Variants in DNAJC9 observed in about 807,000 individuals in gnomAD.
The protein encoded by DNAJC9 is DnaJ heat shock protein family (Hsp40) member C9, also known as dnaJ homolog subfamily C member 9.
Under a neutral mutation model 32.4 loss-of-function variants are expected in DNAJC9, and 18 were observed. The ratio of observed to expected loss-of-function variants is 0.56; its 90% CI spans 0.38 to 0.82. The LOEUF is 0.82. Among genes scored for constraint, DNAJC9 ranks in the 40% least tolerant of loss-of-function variants. The probability of loss-of-function intolerance (pLI) is 0.00; values close to 1 mark genes in which losing one functional copy is unlikely to be tolerated. For synonymous variants in DNAJC9, 113 were observed against 122.1 expected (o/e 0.93, Z 0.49); for missense variants, 310 against 321.8 (o/e 0.96, Z 0.28).
At chr10:73,234,563 C>A, downstream of DNAJC9, 1 of 428,836 alleles carries the variant, frequency 2.3e-6, no homozygotes, top group Non-Finnish European at 4.2e-6. Flanking sequence ...TGTTTTATTC[C>A]AGTTCTGTGG....
downstream of DNAJC9, chr10:73,234,879 T>C: frequency 3.2e-6 from 5 of 1,551,910 alleles, no homozygotes; most frequent in Non-Finnish European, 4.4e-6. Flanking sequence ...AATAATCTGC[T>C]ACCACCTATT....
At chr10:73,239,391 G>A (rs1408425189), downstream of DNAJC9, 7 of 1,550,478 alleles carry the variant, frequency 4.5e-6, no homozygotes, top group Non-Finnish European at 6.1e-6. Context: ...GCAGGTAAAG[G>A]TGGGGCCATG....
Position 73,243,344 on chromosome 10 carries a change from C to T in DNAJC9, c.*56G>A. ...CTTTTGCCTTCAAATCCTGCCTGCA[C>T]CTTGCCTACGATGGCATCAATTTAC... is the stretch of plus-strand genomic sequence containing the variant. On this transcript the variant is annotated 3_prime_UTR_variant, in exon 5 of 5. Transcript: ENST00000372950. The T allele has an allele frequency of 6.2e-7, 1 of 1,601,276 alleles. No individual in the cohort carries two copies. The highest frequency in any genetic ancestry group is 1.1e-5 in the South Asian group (1 of 90,230).
chr10:73,238,062 T>G (rs2043862115), downstream of DNAJC9, among the ~76,000 whole-genome samples: 1 of 152,182 alleles, frequency 6.6e-6, no homozygotes, highest in Non-Finnish European at 1.5e-5. Context: ...ATGCTAGCTG[T>G]GAGCCGGCTG....
chr10:73,234,536 T>A (rs918408004), downstream of DNAJC9: 3 of 350,182 alleles, frequency 8.6e-6, no homozygotes, highest in Non-Finnish European at 1.6e-5. Flanking sequence ...AGAAGTGCAA[T>A]ACCAGATAGG....
chr10:73,238,874 TA>T (rs1383790056), downstream of DNAJC9: 1 of 153,060 alleles, frequency 6.5e-6, no homozygotes, highest in Non-Finnish European at 1.5e-5. Flanking sequence ...TTCATAATGC[TA>T]AAAAGTAAAT....
chr10:73,235,402 T>C (rs1348646857), downstream of DNAJC9: 1 of 1,530,786 alleles, frequency 6.5e-7, no homozygotes, highest in Non-Finnish European at 8.8e-7. Context: ...GACTTAAGAT[T>C]TTATCTAGAG....
At chr10:73,246,877 C>G in intron 1 of DNAJC9, 49 bp from the exon 2 acceptor site, 2 of 1,609,392 alleles carry the variant, frequency 1.2e-6, no homozygotes, top group Non-Finnish European at 1.7e-6. Flanking sequence ...CCCACCGAAA[C>G]GGCGGCGCGA....
At chr10:73,235,007 G>C, downstream of DNAJC9, 1 of 1,523,786 alleles carries the variant, frequency 6.6e-7, no homozygotes. Flanking sequence ...AATTCTGCAG[G>C]ATCTGTGCCC....
At chr10:73,240,864 G>A (rs2043934233), downstream of DNAJC9, 5 of 817,044 alleles carry the variant, frequency 6.1e-6, no homozygotes, top group African/African-American at 3.6e-5. Flanking sequence ...CATAATTGGA[G>A]CAAAAAAGCC....
At chr10:73,237,838 C>T (rs560532039), downstream of DNAJC9, among the ~76,000 whole-genome samples, 10 of 152,260 alleles carry the variant, frequency 6.6e-5, no homozygotes, top group Non-Finnish European at 1.2e-4. Context: ...ATCCTCCCAC[C>T]GCAGCCTCCC....
intron 3 of DNAJC9, among the ~76,000 whole-genome samples, chr10:73,244,743 A>G (rs1326092453): frequency 6.6e-6 from 1 of 152,104 alleles, no homozygotes; most frequent in Non-Finnish European, 1.5e-5. Flanking sequence ...TGTTTACAAA[A>G]TATCACAAGA....
Position 73,246,950 on chromosome 10 carries a change from G to C in DNAJC9, c.180+60C>G, listed in dbSNP as rs955159216. 6 of 1,564,898 alleles carry C rather than the reference G, an allele frequency of 3.8e-6. No homozygotes were observed. The Admixed American group carries it at 5.5e-5, about 14-fold the overall frequency. Reference sequence around the variant, plus strand: ...CGCTCCCCCGGGGCGGGGCCCGGTAGCCAAAAGGCTAGGGGGAGGCCCGCG... The same window carrying C: ...CGCTCCCCCGGGGCGGGGCCCGGTACCCAAAAGGCTAGGGGGAGGCCCGCG... On this transcript the variant is annotated intron_variant, in intron 1 of 4. Transcript: ENST00000372950.
At chr10:73,237,421 C>CT (rs539055192), downstream of DNAJC9, among the ~76,000 whole-genome samples, 233 of 145,732 alleles carry the variant, frequency 1.6e-3, 2 homozygotes, top group East Asian at 5.6e-3. Context: ...TTCTCTGAAA[C>CT]TTTTTTTTTT....
chr10:73,246,257 T>G, intron 2 of DNAJC9, 81 bp from the exon 3 acceptor site: 1 of 1,467,822 alleles, frequency 6.8e-7, no homozygotes, highest in Non-Finnish European at 9.3e-7. Context: ...GAGTTGGGTG[T>G]TGAATTGCTG....
intron 4 of DNAJC9, 99 bp downstream of exon 4, chr10:73,243,744 T>C: frequency 8.2e-7 from 1 of 1,217,286 alleles, no homozygotes; most frequent in Non-Finnish European, 1.2e-6. Flanking sequence ...GGTATGCGGT[T>C]ATGTCTTAAA....
At position 73,247,193 on chromosome 10, in the gene DNAJC9, GGGCGGAGATACGACCCCGGA is replaced by G. The variant is rs1270568042; in HGVS notation, c.-24_-5del. The G allele has an allele frequency of 6.3e-7, 1 of 1,587,908 alleles. No homozygotes were observed. The highest frequency in any genetic ancestry group is 1.8e-5 in the Admixed American group (1 of 56,808). ...CGCAAAGGTCCAGCAGCCCCATGCC[GGGCGGAGATACGACCCCGGA>G]GGAAGCAGCCGCTCCCAGCTGCGCC... On this transcript the variant is annotated 5_prime_UTR_variant, in exon 1 of 5. Transcript: ENST00000372950.
chr10:73,245,803 G>C, intron 3 of DNAJC9, 119 bp downstream of exon 3: 1 of 1,281,972 alleles, frequency 7.8e-7, no homozygotes. Flanking sequence ...CGAAACTATA[G>C]ACCAAGTTAA....
At chr10:73,245,221 G>A (rs947786685) in intron 3 of DNAJC9, among the ~76,000 whole-genome samples, 1 of 152,040 alleles carries the variant, frequency 6.6e-6, no homozygotes, top group Admixed American at 6.6e-5. Context: ...CTCTGCCAGC[G>A]TCTCTTATGT....
Sources: allele counts gnomAD v4.1 joint callset (sites outside exome capture counted in the v4.1 genomes callset), GRCh38; gene constraint gnomAD v4.1.1; transcripts MANE v1.5; gene names NCBI Gene and HGNC (gene_info 2026-07-23, HGNC 2026-07-21).